ATXN7L1: variants seen among roughly 807,000 people sequenced by gnomAD.
The protein encoded by ATXN7L1 is ataxin-7-like protein 1.
Under a neutral mutation model 70.8 loss-of-function variants are expected in ATXN7L1, and 15 were observed. The ratio of observed to expected loss-of-function variants is 0.21; its 90% CI spans 0.14 to 0.33. ATXN7L1 has a LOEUF of 0.33. Ranked by LOEUF, ATXN7L1 falls within the 10% of genes least tolerant of loss-of-function variation. The pLI is 1.00. For missense variants in ATXN7L1, 975 were observed against 1,097.1 expected (o/e 0.89, Z 1.57); for synonymous variants, 440 against 445.1 (o/e 0.99, Z 0.14).
intron 7 of ATXN7L1, among the ~76,000 whole-genome samples, chr7:105,635,583 G>T (rs953922269): frequency 9.2e-5 from 14 of 152,190 alleles, no homozygotes; most frequent in African/African-American, 3.4e-4. Context: ...TTACCTAGTT[G>T]GTAGGCACGG....
chr7:105,770,556 A>C (rs578048008), intron 3 of ATXN7L1, among the ~76,000 whole-genome samples: 12 of 152,144 alleles, frequency 7.9e-5, no homozygotes, highest in African/African-American at 2.9e-4. Context: ...GCCTGAGACT[A>C]TAAGTGTGTG....
intron 3 of ATXN7L1, among the ~76,000 whole-genome samples, chr7:105,685,159 C>G (rs1563001750): frequency 6.6e-6 from 1 of 152,016 alleles, no homozygotes; most frequent in Non-Finnish European, 1.5e-5. Context: ...AAGCTGTAAT[C>G]TATAGAAGGA....
At chr7:105,613,841 C>T (rs756579949) in intron 10 of ATXN7L1, 21 bp downstream of exon 10, 181 of 1,551,734 alleles carry the variant, frequency 1.2e-4, no homozygotes, top group African/African-American at 1.9e-4. Context: ...CCGGTGAAGG[C>T]GGTGCCAGGA....
At chr7:105,657,039 G>A (rs1223333817) in intron 4 of ATXN7L1, among the ~76,000 whole-genome samples, 1 of 152,266 alleles carries the variant, frequency 6.6e-6, no homozygotes, top group East Asian at 1.9e-4. Flanking sequence ...GGAAAGGGTG[G>A]CCCTAACCTG....
intron 3 of ATXN7L1, among the ~76,000 whole-genome samples, chr7:105,716,205 C>CAT (rs1794524594): frequency 6.6e-6 from 1 of 152,042 alleles, no homozygotes; most frequent in African/African-American, 2.4e-5. Flanking sequence ...AGTCATACTA[C>CAT]ATACTTCATT....
At chr7:105,710,453 G>A (rs1229588835) in intron 3 of ATXN7L1, among the ~76,000 whole-genome samples, 1 of 142,730 alleles carries the variant, frequency 7.0e-6, no homozygotes, top group Non-Finnish European at 1.5e-5. Flanking sequence ...TGTCACTCAG[G>A]CTGCAGTGCA....
chr7:105,664,593 G>T, intron 4 of ATXN7L1, among the ~76,000 whole-genome samples: 1 of 122,330 alleles, frequency 8.2e-6, no homozygotes, highest in South Asian at 2.7e-4. Flanking sequence ...ATATATTTGA[G>T]ACAGAGTTTC....
intron 2 of ATXN7L1, among the ~76,000 whole-genome samples, chr7:105,845,656 T>G (rs1813920075): frequency 6.6e-6 from 1 of 152,170 alleles, no homozygotes; most frequent in African/African-American, 2.4e-5. Flanking sequence ...TTCAAAACTT[T>G]CTATGAAGCC....
chr7:105,833,156 C>T (rs1811871096), intron 2 of ATXN7L1, among the ~76,000 whole-genome samples: 1 of 152,174 alleles, frequency 6.6e-6, no homozygotes, highest in African/African-American at 2.4e-5. Flanking sequence ...ATCATGTTCC[C>T]CTTCCTGCCT....
intron 9 of ATXN7L1, chr7:105,617,904 C>T (rs764127823): frequency 5.7e-5 from 26 of 456,422 alleles, no homozygotes; most frequent in South Asian, 2.3e-4. Flanking sequence ...ACGCCCCCAT[C>T]GGCTGCCATC....
intron 3 of ATXN7L1, among the ~76,000 whole-genome samples, chr7:105,697,855 C>A (rs767678876): frequency 6.6e-6 from 1 of 152,236 alleles, no homozygotes; most frequent in Non-Finnish European, 1.5e-5. Flanking sequence ...TTTGGGGTCC[C>A]TGACTTCCTG....
intron 9 of ATXN7L1, among the ~76,000 whole-genome samples, chr7:105,615,951 C>T (rs1793828176): frequency 6.6e-6 from 1 of 152,190 alleles, no homozygotes; most frequent in Non-Finnish European, 1.5e-5. Flanking sequence ...GGTGCTGCTG[C>T]TGCTACTCTG....
At chr7:105,661,735 T>C (rs989640538) in intron 4 of ATXN7L1, among the ~76,000 whole-genome samples, 6 of 152,188 alleles carry the variant, frequency 3.9e-5, no homozygotes, top group Non-Finnish European at 7.3e-5. Context: ...CTGACACATG[T>C]TCCTGGACGT....
At chr7:105,777,773 C>T (rs1802943170) in intron 3 of ATXN7L1, among the ~76,000 whole-genome samples, 1 of 152,222 alleles carries the variant, frequency 6.6e-6, no homozygotes, top group South Asian at 2.1e-4. Context: ...TTATGCCTTT[C>T]CCTCACTCAA....
At chr7:105,703,726 A>G (rs1792776530) in intron 3 of ATXN7L1, among the ~76,000 whole-genome samples, 1 of 152,164 alleles carries the variant, frequency 6.6e-6, no homozygotes, top group South Asian at 2.1e-4. Flanking sequence ...CAGCCACCAA[A>G]TCTGGATGGT....
chr7:105,814,437 G>GA (rs1563115135), intron 2 of ATXN7L1, among the ~76,000 whole-genome samples: 1 of 149,598 alleles, frequency 6.7e-6, no homozygotes. Context: ...TTCCAGCAGG[G>GA]TTTTTTTTTT....
In ATXN7L1 at chr7:105,605,029, G is replaced by C. The variant is rs1322245855; in HGVS notation, c.*2823C>G. 7.7e-6 allele frequency: 1 copy of C among 129,540 alleles called. No individual in the cohort carries two copies. The highest frequency in any genetic ancestry group is 2.9e-5 in the African/African-American group (1 of 34,992). 8.0% of individuals were successfully genotyped at this position (129,540 alleles called of 1,614,324 possible). A position where few individuals can be genotyped will look rare whatever the true frequency, so the allele number is the denominator to read the frequency against. On this transcript the variant is annotated 3_prime_UTR_variant, in exon 12 of 12. Coordinates refer to ENST00000419735, the MANE Select transcript of ATXN7L1 (RefSeq NM_020725.2). ...CATTGATACAAAAGAAGGCATACAA[G>C]TTATCCAAGTCGCTTTTTTTTTTTT...
chr7:105,748,345 C>T (rs906224456), intron 3 of ATXN7L1, among the ~76,000 whole-genome samples: 3 of 152,146 alleles, frequency 2.0e-5, no homozygotes, highest in Non-Finnish European at 4.4e-5. Flanking sequence ...TCTTCTCTAC[C>T]TGTGAGACTC....
intron 4 of ATXN7L1, among the ~76,000 whole-genome samples, chr7:105,662,015 TTTCTTTCTTTCTTTCC>T (rs1388091828): frequency 7.5e-5 from 3 of 39,766 alleles, no homozygotes; most frequent in Admixed American, 5.4e-4. Flanking sequence ...CTTTCTTTTC[TTTCTTTCTTTCTTTCC>T]TTCCTTCCTT....
Sources: allele counts gnomAD v4.1 joint callset (sites outside exome capture counted in the v4.1 genomes callset), GRCh38; gene constraint gnomAD v4.1.1; transcripts MANE v1.5; gene names NCBI Gene and HGNC (gene_info 2026-07-23, HGNC 2026-07-21).